STXBP5: variants seen among roughly 807,000 people sequenced by gnomAD.
STXBP5 encodes the protein syntaxin-binding protein 5.
STXBP5 carries 50 observed loss-of-function variants against 152.4 expected under a neutral mutation model. The observed-to-expected ratio is 0.33, with a 90% CI of 0.26 to 0.42. The LOEUF (loss-of-function observed/expected upper bound fraction) is 0.42. Ranked by LOEUF, STXBP5 falls within the 10% of genes least tolerant of loss-of-function variation. The probability of loss-of-function intolerance (pLI) is 1.00; values close to 1 mark genes in which losing one functional copy is unlikely to be tolerated. For synonymous variants in STXBP5, 492 were observed against 494.7 expected (o/e 0.99, Z 0.07); for missense variants, 1,167 against 1,388.6 (o/e 0.84, Z 2.54).
At chr6:147,305,306 G>A (rs1267744195) in intron 9 of STXBP5, among the ~76,000 whole-genome samples, 1 of 152,130 alleles carries the variant, frequency 6.6e-6, no homozygotes, top group Non-Finnish European at 1.5e-5. Context: ...GGAAAGCAGT[G>A]TTCAAGGCAA....
At chr6:147,205,852 C>T (rs1260576174) in intron 1 of STXBP5, 119 bp from the exon 2 acceptor site, 2 of 667,346 alleles carry the variant, frequency 3.0e-6, no homozygotes, top group African/African-American at 1.8e-5. Flanking sequence ...GCAGTAAGTG[C>T]ATGTGTATGT....
Position 147,213,477 on chromosome 6 carries a change from T to TGTGTGTGTGTGTGTGC in STXBP5, c.248+7410_248+7411insTGTGTGTGTGTGTGCG. 7.7e-4 allele frequency among the ~76,000 whole-genome samples: 101 copies of TGTGTGTGTGTGTGTGC among 131,306 alleles called. 1 individual carries two copies. Among genetic ancestry groups the TGTGTGTGTGTGTGTGC allele is most frequent in the African/African-American group, 2.9e-3 (92 of 31,348 alleles). 86.1% of individuals were successfully genotyped at this position (131,306 alleles called of 152,430 possible). On this transcript the variant is annotated intron_variant, in intron 2 of 27. Transcript: ENST00000321680. The stretch of plus-strand genomic sequence containing the variant: ...GTGTGTGTGTGTGTGTGTGTGTGTG[T>TGTGTGTGTGTGTGTGC]GCGCGCGCATATATATATTTTTTCT...
intron 16 of STXBP5, among the ~76,000 whole-genome samples, chr6:147,320,687 A>G (rs1782892472): frequency 1.3e-5 from 2 of 152,234 alleles, no homozygotes; most frequent in South Asian, 4.1e-4. Flanking sequence ...AGATAATGTT[A>G]TATATTGTTA....
At chr6:147,381,212 G>A (rs561982014) in intron 26 of STXBP5, among the ~76,000 whole-genome samples, 25 of 152,130 alleles carry the variant, frequency 1.6e-4, no homozygotes, top group African/African-American at 3.6e-4. Context: ...GGACACAGCC[G>A]AACCATATCA....
Position 147,359,317 on chromosome 6 carries a change from C to A in STXBP5, c.2539C>A (p.Pro847Thr), listed in dbSNP as rs1437662545. The A allele has an allele frequency of 6.2e-7, 1 of 1,613,156 alleles. No homozygotes were observed. Among genetic ancestry groups the A allele is most frequent in the South Asian group, 1.1e-5 (1 of 91,064 alleles). The change falls in exon 23 of 28, where the codon CCA becomes ACA. Residue 847 changes from proline to threonine, a missense_variant. This residue lies in a region of STXBP5 where 833 missense variants were observed against 986.3 expected (regional missense o/e 0.84). Coordinates refer to ENST00000321680, the MANE Select transcript of STXBP5 (RefSeq NM_001127715.4). Reference protein sequence around the residue: ...QRLLQPVIVSPSGTILRLKGA... With the variant: ...QRLLQPVIVSTSGTILRLKGA... Reference sequence around the variant, plus strand: ...ACTTCTTCAGCCAGTAATTGTGTCTCCAAGTGGTATGTATTGCTGCTGCAC... The same window carrying A: ...ACTTCTTCAGCCAGTAATTGTGTCTACAAGTGGTATGTATTGCTGCTGCAC...
chr6:147,233,859 GACT>G (rs1009997209), intron 2 of STXBP5, among the ~76,000 whole-genome samples: 25 of 149,476 alleles, frequency 1.7e-4, no homozygotes, highest in South Asian at 6.3e-4. Flanking sequence ...TTACTATTAT[GACT>G]ACTACTACTA....
intron 2 of STXBP5, among the ~76,000 whole-genome samples, chr6:147,217,563 T>G (rs1165190882): frequency 6.6e-6 from 1 of 152,194 alleles, no homozygotes; most frequent in Admixed American, 6.5e-5. Context: ...TCAAAAACAG[T>G]CCTAACTCCA....
intron 8 of STXBP5, among the ~76,000 whole-genome samples, chr6:147,283,414 A>G (rs1406693524): frequency 1.3e-5 from 2 of 152,324 alleles, no homozygotes; most frequent in African/African-American, 2.4e-5. Context: ...CAGTTTATGT[A>G]TTTGAAAAGA....
At chr6:147,289,736 G>GA (rs879435079) in intron 8 of STXBP5, among the ~76,000 whole-genome samples, 78 of 142,642 alleles carry the variant, frequency 5.5e-4, no homozygotes, top group South Asian at 6.7e-4. Flanking sequence ...TCAGCAAAAA[G>GA]AAAAAAAAAA....
chr6:147,278,463 T>C (rs1438337270), intron 8 of STXBP5, among the ~76,000 whole-genome samples: 1 of 152,198 alleles, frequency 6.6e-6, no homozygotes, highest in Non-Finnish European at 1.5e-5. Flanking sequence ...GAATATCATG[T>C]CTCTAATAGT....
intron 21 of STXBP5, among the ~76,000 whole-genome samples, chr6:147,344,860 A>C (rs1447436484): frequency 6.6e-6 from 1 of 152,202 alleles, no homozygotes; most frequent in Admixed American, 6.5e-5. Flanking sequence ...GAGATGTTGC[A>C]AAGAGTTTAA....
chr6:147,313,409 T>G (rs1782480358), intron 11 of STXBP5, among the ~76,000 whole-genome samples: 1 of 152,184 alleles, frequency 6.6e-6, no homozygotes, highest in Non-Finnish European at 1.5e-5. Context: ...TTATTATGTA[T>G]TATTACCAAA....
At chr6:147,254,929 A>G (rs1232816959) in intron 4 of STXBP5, among the ~76,000 whole-genome samples, 1 of 152,244 alleles carries the variant, frequency 6.6e-6, no homozygotes, top group Non-Finnish European at 1.5e-5. Context: ...AGGATCTACA[A>G]CCAGAAATAC....
At chr6:147,360,861 T>A (rs753501815) in intron 23 of STXBP5, among the ~76,000 whole-genome samples, 1 of 152,182 alleles carries the variant, frequency 6.6e-6, no homozygotes, top group Non-Finnish European at 1.5e-5. Flanking sequence ...GAAACAACCA[T>A]GATTTTGCTT....
intron 18 of STXBP5, among the ~76,000 whole-genome samples, chr6:147,333,751 G>C (rs1208598863): frequency 2.0e-5 from 3 of 152,116 alleles, no homozygotes; most frequent in Non-Finnish European, 2.9e-5. Flanking sequence ...TACACATCCT[G>C]TTCATCCATC....
chr6:147,268,368 G>A (rs1399680489), intron 7 of STXBP5, among the ~76,000 whole-genome samples: 2 of 152,150 alleles, frequency 1.3e-5, no homozygotes, highest in Non-Finnish European at 2.9e-5. Flanking sequence ...TCTAGGAAAT[G>A]TGTAAGTGGT....
chr6:147,223,361 A>G (rs1777552949), intron 2 of STXBP5, among the ~76,000 whole-genome samples: 1 of 152,182 alleles, frequency 6.6e-6, no homozygotes, highest in Non-Finnish European at 1.5e-5. Flanking sequence ...GTAAAGACTT[A>G]CTAAACTGTT....
intron 16 of STXBP5, among the ~76,000 whole-genome samples, chr6:147,318,668 CAG>C (rs71727575): frequency 0.059 from 8,988 of 152,154 alleles, 297 homozygotes; most frequent in African/African-American, 0.09. Context: ...TCCCAGTAGA[CAG>C]AGAGTCTCAT....
Position 147,316,414 on chromosome 6 carries a change from T to C in STXBP5, c.1802+7T>C, listed in dbSNP as rs777744870. ...ATAATGTACCTTGTTTAAAGTAAGT[T>C]ATAAAAAACTACAGAGGAGTTTTGG... On this transcript the variant is annotated splice_region_variant and intron_variant, in intron 16 of 27. Transcript: ENST00000321680. 3 of 1,498,738 alleles carry C rather than the reference T, an allele frequency of 2.0e-6. No homozygotes were observed. In the South Asian group the frequency reaches 4.1e-5, roughly 21 times the overall value. The allele number at this position is 1,498,738 out of a possible 1,614,324, so 92.8% of individuals were successfully genotyped here.
Sources: allele counts gnomAD v4.1 joint callset (sites outside exome capture counted in the v4.1 genomes callset), GRCh38; gene constraint gnomAD v4.1.1; regional missense constraint gnomAD v4.1.1; transcripts MANE v1.5; gene names NCBI Gene and HGNC (gene_info 2026-07-23, HGNC 2026-07-21).